BMX: variants seen among roughly 807,000 people sequenced by gnomAD.
BMX encodes the protein cytoplasmic tyrosine-protein kinase BMX.
Under a neutral mutation model 59.2 loss-of-function variants are expected in BMX, and 31 were observed. That is an observed-to-expected ratio of 0.52 (90% CI 0.39 to 0.71). The LOEUF (loss-of-function observed/expected upper bound fraction) is 0.71. BMX is among the 30% of genes least tolerant of loss of function. BMX has a pLI of 0.00. For synonymous variants in BMX, 185 were observed against 181.0 expected (o/e 1.02, Z -0.18); for missense variants, 474 against 491.7 (o/e 0.96, Z 0.34).
intron 11 of BMX, among the ~76,000 whole-genome samples, chrX:15,532,755 C>A (rs190241162): frequency 4.7e-4 from 53 of 112,282 alleles, no homozygotes; most frequent in African/African-American, 1.2e-3. Flanking sequence ...TAGGATGTAC[C>A]TGAATTGTCC....
At chrX:15,538,481 C>A (rs1925487737) in intron 14 of BMX, among the ~76,000 whole-genome samples, 1 of 111,873 alleles carries the variant, frequency 8.9e-6, no homozygotes, top group South Asian at 3.7e-4. Context: ...AAATTCCTAG[C>A]CTGCTAGAGA....
chrX:15,551,385 A>G (rs1926189611), intron 18 of BMX, among the ~76,000 whole-genome samples: 1 of 110,736 alleles, frequency 9.0e-6, no homozygotes, highest in Non-Finnish European at 1.9e-5. Flanking sequence ...CAAACCTCCT[A>G]TTATTATCTC....
chrX:15,556,325 T>A lies in BMX; in HGVS notation c.*178T>A, dbSNP rs955308092. On this transcript the variant is annotated 3_prime_UTR_variant, in exon 19 of 19. Transcript: ENST00000348343. ...ACAAAAGATTCCCTTGAAATTTAGA[T>A]CAAATTAGTAATTTTGTTTATGCTG... is the stretch of plus-strand genomic sequence containing the variant. The A allele has an allele frequency of 3.9e-5, 16 of 411,314 alleles. No individual in the cohort carries two copies. Among genetic ancestry groups the A allele is most frequent in the Non-Finnish European group, 5.5e-5 (14 of 256,807 alleles). 33.9% of individuals were successfully genotyped at this position (411,314 alleles called of 1,213,427 possible). A position where few individuals can be genotyped will look rare whatever the true frequency, so the allele number is the denominator to read the frequency against.
Position 15,551,199 on chromosome X carries a change from G to C in BMX, c.1953+1202G>C, listed in dbSNP as rs1305960929. Among the ~76,000 whole-genome samples the C allele has an allele frequency of 4.5e-5, 5 of 111,754 alleles. No homozygotes were observed. In the East Asian group the frequency reaches 8.4e-4, roughly 19 times the overall value. Reference sequence around the variant, plus strand: ...GAGGCTTTTGAGAACATTATTCTAAGAGCCCATGTTCATAATCATTATATG... The same window carrying C: ...GAGGCTTTTGAGAACATTATTCTAACAGCCCATGTTCATAATCATTATATG... On this transcript the variant is annotated intron_variant, in intron 18 of 18. Coordinates refer to ENST00000348343, the MANE Select transcript of BMX (RefSeq NM_203281.3).
chrX:15,516,881 G>A (rs1217860298), intron 5 of BMX, among the ~76,000 whole-genome samples: 2 of 111,133 alleles, frequency 1.8e-5, no homozygotes, highest in Non-Finnish European at 3.8e-5. Flanking sequence ...GGACTTATAT[G>A]TATTTAAAGT....
rs1925821547 is a variant in BMX at position 15,543,891 on chromosome X, T to C, written c.1676+756T>C. On this transcript the variant is annotated intron_variant, in intron 16 of 18. Transcript: ENST00000348343. ...ATTTAAGCCTCAGAGCAAATTTTCA[T>C]AGTTTTGCAAAGAAAACGAAGACAT... 2.7e-5 allele frequency among the ~76,000 whole-genome samples: 3 copies of C among 111,948 alleles called. No homozygotes were observed. The South Asian group carries it at 1.1e-3, about 42-fold the overall frequency.
intron 3 of BMX, among the ~76,000 whole-genome samples, chrX:15,510,917 A>T (rs1387244112): frequency 8.9e-6 from 1 of 112,265 alleles, no homozygotes; most frequent in African/African-American, 3.2e-5. Flanking sequence ...GTGCCACATG[A>T]TGAAATAGAT....
chrX:15,527,143 G>A (rs1338694072), intron 9 of BMX, among the ~76,000 whole-genome samples: 6 of 84,018 alleles, frequency 7.1e-5, no homozygotes, highest in African/African-American at 2.7e-4. Flanking sequence ...ATGGTGAGCC[G>A]AGATGGCGCC....
At chrX:15,505,113 A>C (rs1392678079) in intron 1 of BMX, among the ~76,000 whole-genome samples, 1 of 112,437 alleles carries the variant, frequency 8.9e-6, no homozygotes, top group Non-Finnish European at 1.9e-5. Context: ...ATTTCTAAAA[A>C]TTAATCATCA....
chrX:15,554,682 T>C (rs1926345492), intron 18 of BMX, among the ~76,000 whole-genome samples: 1 of 111,722 alleles, frequency 9.0e-6, no homozygotes, highest in Non-Finnish European at 1.9e-5. Flanking sequence ...AAGATTGCAT[T>C]ATTTTCCATT....
chrX:15,508,326 A>C lies in BMX; in HGVS notation c.-9-19A>C, dbSNP rs781741007. 2.8e-6 allele frequency: 3 copies of C among 1,055,466 alleles called. No individual in the cohort carries two copies. The highest frequency in any genetic ancestry group is 3.8e-6 in the Non-Finnish European group (3 of 787,527). 87.0% of individuals were successfully genotyped at this position (1,055,466 alleles called of 1,213,427 possible). On this transcript the variant is annotated intron_variant, in intron 1 of 18. Transcript: ENST00000348343. ...CCTAGATGCTGCAAATACTCATTTT[A>C]ATTATTTATTTTGTTTAGGATGATA...
At chrX:15,527,255 T>TAC (rs1924812882) in intron 9 of BMX, among the ~76,000 whole-genome samples, 2 of 6,841 alleles carry the variant, frequency 2.9e-4, no homozygotes, top group African/African-American at 1.1e-3. Flanking sequence ...CAAATATATA[T>TAC]ATATATATAT....
rs770924822 is a variant in BMX, at chrX:15,549,901, C to G, written c.1857C>G (p.Ser619=). Residue 619 remains serine (S), a synonymous_variant, in exon 18 of 19, where the codon TCC becomes TCG. Coordinates refer to ENST00000348343, the MANE Select transcript of BMX (RefSeq NM_203281.3). The part of the protein sequence containing the change: ...GKQPYDLYDN[S]QVVLKVSQGH... ...AGCCCTATGACTTGTATGACAACTC[C>G]CAGGTGGTTCTGAAGGTCTCCCAGG... 8.3e-7 allele frequency: 1 copy of G among 1,208,083 alleles called. No homozygotes were observed. Among genetic ancestry groups the G allele is most frequent in the Non-Finnish European group, 1.1e-6 (1 of 894,446 alleles).
intron 3 of BMX, among the ~76,000 whole-genome samples, chrX:15,509,774 T>C (rs1004198990): frequency 9.0e-6 from 1 of 111,140 alleles, no homozygotes; most frequent in African/African-American, 3.3e-5. Flanking sequence ...CCCAAGGCAT[T>C]TACAGGGAAG....
intron 1 of BMX, among the ~76,000 whole-genome samples, chrX:15,503,152 A>G: frequency 9.0e-6 from 1 of 111,648 alleles, no homozygotes. Flanking sequence ...GAACTATCCA[A>G]TGGCCACTTA....
In BMX at chrX:15,549,698, G is replaced by A. The variant is rs752138580; in HGVS notation, c.1796-142G>A. 32 of 657,976 alleles carry A rather than the reference G, an allele frequency of 4.9e-5. No individual in the cohort carries two copies. The South Asian group carries it at 1.2e-3, about 25-fold the overall frequency. The allele number at this position is 657,976 out of a possible 1,213,427, so 54.2% of individuals were successfully genotyped here. On this transcript the variant is annotated intron_variant, in intron 17 of 18. Transcript: ENST00000348343. Reference sequence around the variant, plus strand: ...TCACCTTCCAAGCTCTGCTCATTTCGCTGGGACTCATTTCCCAGGGATCCC... The same window carrying A: ...TCACCTTCCAAGCTCTGCTCATTTCACTGGGACTCATTTCCCAGGGATCCC...
chrX:15,522,873 A>G (rs912684535), intron 7 of BMX, among the ~76,000 whole-genome samples: 1 of 112,338 alleles, frequency 8.9e-6, no homozygotes, highest in Non-Finnish European at 1.9e-5. Flanking sequence ...TCCAGAATAC[A>G]GAATCTTTAA....
intron 18 of BMX, among the ~76,000 whole-genome samples, chrX:15,554,217 C>A (rs1417936486): frequency 8.9e-6 from 1 of 112,261 alleles, no homozygotes; most frequent in African/African-American, 3.2e-5. Context: ...TAGGCGTTGC[C>A]TCACTAGCAA....
In BMX at chrX:15,536,406, G is replaced by A. The variant is rs1384281513; in HGVS notation, c.1201G>A (p.Asp401Asn). ...PVSTKANKVP[D>N]SVSLGNGIWE... ...GTCAACAAAGGCCAACAAGGTCCCC[G>A]ACTCTGTGTCCCTGGGAAATGGTAT... Residue 401 changes from aspartate (D) to asparagine (N), a missense_variant, in exon 13 of 19, where the codon GAC becomes AAC. By Grantham distance (23) the Asp-to-Asn change is conservative (BLOSUM62 1). Coordinates refer to ENST00000348343, the MANE Select transcript of BMX (RefSeq NM_203281.3). 2.5e-6 allele frequency: 3 copies of A among 1,207,270 alleles called. No individual in the cohort carries two copies. Among genetic ancestry groups the A allele is most frequent in the Middle Eastern group, 2.3e-4 (1 of 4,334 alleles).
Sources: allele counts gnomAD v4.1 joint callset (sites outside exome capture counted in the v4.1 genomes callset), GRCh38; gene constraint gnomAD v4.1.1; transcripts MANE v1.5; gene names NCBI Gene and HGNC (gene_info 2026-07-23, HGNC 2026-07-21).